NRXN1: variants seen among roughly 807,000 people sequenced by gnomAD.
NRXN1 encodes the protein neurexin-1.
Under a neutral mutation model 150.9 loss-of-function variants are expected in NRXN1, and 39 were observed. That is an observed-to-expected ratio of 0.26 (90% CI 0.20 to 0.34). The LOEUF is 0.34. NRXN1 is among the 10% of genes least tolerant of loss of function. The pLI is 1.00. For missense variants in NRXN1, 1,815 were observed against 1,949.9 expected (o/e 0.93, Z 1.30); for synonymous variants, 924 against 757.0 (o/e 1.22, Z -3.62).
intron 5 of NRXN1, among the ~76,000 whole-genome samples, chr2:50,784,415 T>A (rs1704798195): frequency 1.3e-5 from 2 of 151,790 alleles, no homozygotes; most frequent in African/African-American, 4.8e-5. Context: ...AAGCAATGAA[T>A]GCATAGGAGT....
At chr2:49,929,867 A>G (rs888526716) in intron 22 of NRXN1, among the ~76,000 whole-genome samples, 2 of 152,212 alleles carry the variant, frequency 1.3e-5, no homozygotes, top group East Asian at 3.8e-4. Context: ...ACCTTAAAAT[A>G]TAGTGAGGCA....
At chr2:50,102,445 G>A (rs1701100260) in intron 18 of NRXN1, among the ~76,000 whole-genome samples, 1 of 151,988 alleles carries the variant, frequency 6.6e-6, no homozygotes, top group East Asian at 1.9e-4. Context: ...ATGAAGTTCA[G>A]TATTCACCAA....
chr2:49,926,354 T>A (rs959685160), intron 22 of NRXN1: 1 of 398,474 alleles, frequency 2.5e-6, no homozygotes, highest in East Asian at 3.6e-5. Flanking sequence ...TAAGATACGG[T>A]GGTCTCTAGA....
intron 18 of NRXN1, among the ~76,000 whole-genome samples, chr2:50,165,831 T>G (rs1424723256): frequency 1.3e-5 from 2 of 152,228 alleles, no homozygotes; most frequent in Non-Finnish European, 2.9e-5. Flanking sequence ...TATATTACAT[T>G]CAACTTCACT....
At chr2:50,830,932 G>A (rs1341950752) in intron 5 of NRXN1, among the ~76,000 whole-genome samples, 1 of 151,866 alleles carries the variant, frequency 6.6e-6, no homozygotes, top group Non-Finnish European at 1.5e-5. Context: ...CTATTTATTT[G>A]TATTACTTTT....
chr2:50,451,821 T>C (rs111473666), intron 17 of NRXN1, among the ~76,000 whole-genome samples: 83 of 152,336 alleles, frequency 5.4e-4, no homozygotes, highest in African/African-American at 1.9e-3. Context: ...ATTTTTATTA[T>C]GCAAGAATGT....
At chr2:50,863,704 C>A (rs1574749559) in intron 5 of NRXN1, among the ~76,000 whole-genome samples, 2 of 151,962 alleles carry the variant, frequency 1.3e-5, no homozygotes, top group East Asian at 3.9e-4. Flanking sequence ...CCTCCTCTCC[C>A]TATTATTGTG....
At chr2:51,023,772 A>T (rs1218690299) in intron 2 of NRXN1, among the ~76,000 whole-genome samples, 1 of 152,198 alleles carries the variant, frequency 6.6e-6, no homozygotes, top group Non-Finnish European at 1.5e-5. Flanking sequence ...TAATAAACAA[A>T]TGAATGAATG....
At chr2:50,871,283 C>CTA (rs1677743930) in intron 5 of NRXN1, among the ~76,000 whole-genome samples, 1 of 151,664 alleles carries the variant, frequency 6.6e-6, no homozygotes, top group South Asian at 2.1e-4. Context: ...TTAAAATGTC[C>CTA]TATTCCTGTA....
intron 18 of NRXN1, among the ~76,000 whole-genome samples, chr2:50,092,819 T>A (rs1232128604): frequency 6.6e-6 from 1 of 152,168 alleles, no homozygotes; most frequent in Admixed American, 6.5e-5. Context: ...TGGGTTCTTA[T>A]TGTACATAAA....
At chr2:50,912,853 C>T (rs751606351) in intron 5 of NRXN1, 2 of 151,264 alleles carry the variant, frequency 1.3e-5, no homozygotes, top group Non-Finnish European at 3.0e-5. Context: ...ATAATGAGGA[C>T]AAATGCCAAA....
intron 22 of NRXN1, chr2:49,926,441 T>C: frequency 2.5e-6 from 1 of 398,242 alleles, no homozygotes; most frequent in Non-Finnish European, 4.4e-6. Context: ...TGTTGTCTAA[T>C]ATGTATTGTG....
At chr2:50,248,293 T>C (rs900329840) in intron 17 of NRXN1, among the ~76,000 whole-genome samples, 1 of 152,264 alleles carries the variant, frequency 6.6e-6, no homozygotes, top group East Asian at 1.9e-4. Flanking sequence ...GGATTCTGGG[T>C]GTGAGCTATA....
At chr2:50,436,705 T>C (rs545005562) in intron 17 of NRXN1, among the ~76,000 whole-genome samples, 2 of 152,358 alleles carry the variant, frequency 1.3e-5, no homozygotes, top group Admixed American at 1.3e-4. Context: ...GGTATATTCT[T>C]CCATCTTTCA....
intron 17 of NRXN1, among the ~76,000 whole-genome samples, chr2:50,372,878 A>C (rs1402136439): frequency 6.6e-6 from 1 of 152,048 alleles, no homozygotes; most frequent in African/African-American, 2.4e-5. Flanking sequence ...GAAAAGATAA[A>C]AGGCCAACAA....
intron 17 of NRXN1, among the ~76,000 whole-genome samples, chr2:50,441,322 T>G (rs890928823): frequency 6.6e-6 from 1 of 152,160 alleles, no homozygotes; most frequent in African/African-American, 2.4e-5. Context: ...CTGATTTCAC[T>G]TCTTCTTCCT....
intron 5 of NRXN1, among the ~76,000 whole-genome samples, chr2:50,825,086 C>A (rs780204194): frequency 6.6e-6 from 1 of 152,140 alleles, no homozygotes; most frequent in African/African-American, 2.4e-5. Context: ...ATGCTTCCAA[C>A]GTATCTATAG....
At chr2:50,909,090 T>C (rs774716057) in intron 5 of NRXN1, among the ~76,000 whole-genome samples, 8 of 152,096 alleles carry the variant, frequency 5.3e-5, no homozygotes, top group Admixed American at 2.0e-4. Flanking sequence ...TTAGACATAA[T>C]GTTTTTAACT....
At chr2:50,866,246 T>G (rs536046220) in intron 5 of NRXN1, among the ~76,000 whole-genome samples, 1 of 152,072 alleles carries the variant, frequency 6.6e-6, no homozygotes, top group East Asian at 2.0e-4. Context: ...ACATTAGGGA[T>G]GATTTATATC....
Sources: allele counts gnomAD v4.1 joint callset (sites outside exome capture counted in the v4.1 genomes callset), GRCh38; gene constraint gnomAD v4.1.1; transcripts MANE v1.5; gene names NCBI Gene and HGNC (gene_info 2026-07-23, HGNC 2026-07-21).